Variants in DENND2B observed in about 807,000 individuals in gnomAD.
The protein encoded by DENND2B is DENN domain-containing protein 2B.
A neutral mutation model predicts 116.0 loss-of-function variants in DENND2B; 32 were observed. That is an observed-to-expected ratio of 0.28 (90% CI 0.21 to 0.37). DENND2B has a LOEUF of 0.37. Ranked by LOEUF, DENND2B falls within the 10% of genes least tolerant of loss-of-function variation. The pLI is 1.00. For synonymous variants in DENND2B, 588 were observed against 583.9 expected (o/e 1.01, Z -0.10); for missense variants, 1,276 against 1,477.7 (o/e 0.86, Z 2.24).
chr11:8,841,607 AC>A (rs1369092140), intron 3 of DENND2B, among the ~76,000 whole-genome samples: 9 of 152,328 alleles, frequency 5.9e-5, no homozygotes, highest in Admixed American at 5.9e-4. Flanking sequence ...TTATGACTGT[AC>A]CACTGCACTC....
In DENND2B at chr11:8,735,238, C is replaced by T. The variant is rs371713117; in HGVS notation, c.81-4029G>A. 9.9e-5 allele frequency among the ~76,000 whole-genome samples: 15 copies of T among 152,170 alleles called. No homozygotes were observed. In the South Asian group the frequency reaches 1.9e-3, roughly 19 times the overall value. On this transcript the variant is annotated intron_variant, in intron 2 of 19. Transcript: ENST00000313726. ...CCCACCTGGAATGCTGCCCTGACAC[C>T]GTCACATAAGGAAGCCAGTCTAGTC...
chr11:8,820,803 G>A (rs1459698672), intron 4 of DENND2B, among the ~76,000 whole-genome samples: 1 of 152,250 alleles, frequency 6.6e-6, no homozygotes, highest in South Asian at 2.1e-4. Context: ...AACTGCACTA[G>A]ATGGACTATT....
intron 4 of DENND2B, among the ~76,000 whole-genome samples, chr11:8,835,180 G>A (rs1279988094): frequency 6.6e-6 from 1 of 152,160 alleles, no homozygotes; most frequent in Non-Finnish European, 1.5e-5. Context: ...GAGGGTGGAG[G>A]CTGCAGTGAG....
intron 2 of DENND2B, 109 bp downstream of exon 2, chr11:8,750,511 AG>A (rs774031503): frequency 3.3e-6 from 3 of 917,390 alleles, no homozygotes; most frequent in Non-Finnish European, 5.3e-6. Context: ...GGCCTAGACC[AG>A]TCACCTGGAT....
intron 3 of DENND2B, among the ~76,000 whole-genome samples, chr11:8,729,276 G>C (rs2047668718): frequency 6.6e-6 from 1 of 152,168 alleles, no homozygotes. Context: ...AATTCCAATA[G>C]CTCCAGCTCC....
chr11:8,863,325 C>G (rs1303253755), intron 2 of DENND2B, among the ~76,000 whole-genome samples: 19 of 126,928 alleles, frequency 1.5e-4, no homozygotes, highest in Non-Finnish European at 2.5e-4. Context: ...GGCACGATCT[C>G]GGCTCACTGC....
chr11:8,822,362 G>A (rs1566017699), intron 4 of DENND2B, among the ~76,000 whole-genome samples: 1 of 152,062 alleles, frequency 6.6e-6, no homozygotes, highest in Non-Finnish European at 1.5e-5. Context: ...GGAGAGGTGA[G>A]GACACTTAAG....
At chr11:8,820,132 C>T (rs2061708510) in intron 4 of DENND2B, among the ~76,000 whole-genome samples, 1 of 152,084 alleles carries the variant, frequency 6.6e-6, no homozygotes, top group Non-Finnish European at 1.5e-5. Context: ...GAAAAGTCGC[C>T]CCCAGAATGA....
intron 4 of DENND2B, among the ~76,000 whole-genome samples, chr11:8,836,958 T>C (rs2062453552): frequency 6.6e-6 from 1 of 152,226 alleles, no homozygotes; most frequent in Non-Finnish European, 1.5e-5. Context: ...TCAAGTGATC[T>C]GTCTGTCTTA....
At chr11:8,854,497 T>A (rs1207275834) in intron 3 of DENND2B, among the ~76,000 whole-genome samples, 1 of 152,156 alleles carries the variant, frequency 6.6e-6, no homozygotes, top group Non-Finnish European at 1.5e-5. Context: ...CCACAGTGCC[T>A]GGCCTAAAAG....
At position 8,698,137 on chromosome 11, in the gene DENND2B, CAAAAAAAAAAA is replaced by C. The variant is rs33975736; in HGVS notation, c.2941-512_2941-502del. ...CTGGATGACAGTGAGACCCTGTCTC[CAAAAAAAAAAA>C]AAAAAAAAAAAAAAAAAAGGGGGTA... On this transcript the variant is annotated intron_variant, in intron 16 of 19. Transcript: ENST00000313726. 1.0e-3 allele frequency among the ~76,000 whole-genome samples: 40 copies of C among 39,826 alleles called. No individual in the cohort carries two copies. In the South Asian group the frequency reaches 0.034, roughly 34 times the overall value. 26.1% of individuals were successfully genotyped at this position (39,826 alleles called of 152,430 possible).
chr11:8,718,544 A>G, intron 4 of DENND2B: 2 of 1,424,534 alleles, frequency 1.4e-6, no homozygotes, highest in Non-Finnish European at 1.8e-6. Flanking sequence ...CTGTTCGATG[A>G]CTCTCCTACT....
intron 5 of DENND2B, among the ~76,000 whole-genome samples, chr11:8,716,696 G>A (rs992557522): frequency 1.3e-5 from 2 of 151,742 alleles, no homozygotes; most frequent in Non-Finnish European, 2.9e-5. Context: ...CGCCCAGGTA[G>A]GAGTGCAGTG....
chr11:8,748,976 G>A (rs527970711), intron 2 of DENND2B, among the ~76,000 whole-genome samples: 8 of 152,228 alleles, frequency 5.3e-5, no homozygotes, highest in African/African-American at 1.9e-4. Context: ...GGGTTGCTGG[G>A]AATGGTAATC....
At chr11:8,861,688 A>C (rs1188905485) in intron 2 of DENND2B, among the ~76,000 whole-genome samples, 1 of 152,232 alleles carries the variant, frequency 6.6e-6, no homozygotes, top group Non-Finnish European at 1.5e-5. Context: ...CTGGGTATCT[A>C]CTCAAAGGAT....
chr11:8,715,811 A>C lies in DENND2B; in HGVS notation c.1637T>G (p.Leu546Arg). 1 of 1,599,034 alleles carries C rather than the reference A, an allele frequency of 6.3e-7. No homozygotes were observed. Among genetic ancestry groups the C allele is most frequent in the Non-Finnish European group, 8.6e-7 (1 of 1,168,894 alleles). ...KYNSPPTQLSLKPNSQSLRSG... is the reference protein window; with the variant it reads ...KYNSPPTQLSRKPNSQSLRSG... ...GCGCAGGGACTGGCTGTTGGGTTTC[A>C]GGGAAAGCTGGCGTGGGGGAGAGGA... Residue 546 changes from leucine (L) to arginine (R), a missense_variant, in exon 6 of 20, where the codon CTG becomes CGG. Transcript: ENST00000313726.
rs372213591 is a variant in DENND2B, at chr11:8,885,955, GGGA to G, written c.-255-4849_-255-4847del. Among the ~76,000 whole-genome samples the G allele has an allele frequency of 9.0e-3, 1,369 of 151,908 alleles. 18 individuals are homozygous for G. Among genetic ancestry groups the G allele is most frequent in the African/African-American group, 0.03 (1,230 of 41,438 alleles). On this transcript the variant is annotated intron_variant, in intron 1 of 22. Coordinates refer to the DENND2B transcript ENST00000534127. ...CTTTTTTTTTCTAACTTTTTTCGGGGGGAGAACAGAGTTTCAGCTCTGTCACCC... is the reference window on the plus strand; with the variant it reads ...CTTTTTTTTTCTAACTTTTTTCGGGGGAACAGAGTTTCAGCTCTGTCACCC...
intron 4 of DENND2B, among the ~76,000 whole-genome samples, chr11:8,721,063 T>C (rs1250284202): frequency 1.3e-5 from 2 of 152,094 alleles, no homozygotes; most frequent in Admixed American, 1.3e-4. Flanking sequence ...CCTGAAGGCC[T>C]GGCCCTCAGC....
At chr11:8,745,904 C>T (rs2051156219) in intron 2 of DENND2B, among the ~76,000 whole-genome samples, 1 of 152,236 alleles carries the variant, frequency 6.6e-6, no homozygotes. Flanking sequence ...AACTTTCAAG[C>T]TACCCCCAGC....
Sources: gnomAD v4.1 joint callset for allele counts (sites outside exome capture counted in the v4.1 genomes callset) on GRCh38, gnomAD v4.1.1 for gene constraint, MANE v1.5 for transcripts, NCBI Gene and HGNC (gene_info 2026-07-23, HGNC 2026-07-21) for gene names.